The following VIPR2 variants were observed in gnomAD, a reference collection of about 807,000 sequenced individuals.
VIPR2 encodes the protein vasoactive intestinal peptide receptor 2.
In VIPR2, 48 loss-of-function variants were observed where a neutral mutation model predicts 58.0. The ratio of observed to expected loss-of-function variants is 0.83; its 90% confidence interval spans 0.66 to 1.05. VIPR2 has a LOEUF of 1.05. Ranked by LOEUF, VIPR2 falls within the 50% of genes least tolerant of loss-of-function variation. The probability of loss-of-function intolerance (pLI) is 0.00; values close to 1 mark genes in which losing one functional copy is unlikely to be tolerated. For missense variants in VIPR2, 534 were observed against 558.0 expected (o/e 0.96, Z 0.43); for synonymous variants, 243 against 235.2 (o/e 1.03, Z -0.30).
At position 159,093,429 on chromosome 7, in the gene VIPR2, C is replaced by T. The variant is rs1044728369; in HGVS notation, c.357+10328G>A. On this transcript the variant is annotated intron_variant, in intron 4 of 12. Coordinates refer to ENST00000262178, the MANE Select transcript of VIPR2 (RefSeq NM_003382.5). This position sits in a 1 kb window ranked among gnomAD's most constrained non-coding sequence, Gnocchi z 6.7. ...CCACGCTTACTTTCGAGGGTGCTGG[C>T]GGGTGTGGCTGGAGCTCACTCTCAC... 3.3e-5 allele frequency among the ~76,000 whole-genome samples: 5 copies of T among 152,170 alleles called. No individual in the cohort carries two copies. Among genetic ancestry groups the T allele is most frequent in the Admixed American group, 6.5e-5 (1 of 15,278 alleles).
At chr7:159,063,673 C>T (rs1200030305) in intron 4 of VIPR2, among the ~76,000 whole-genome samples, 3 of 147,284 alleles carry the variant, frequency 2.0e-5, no homozygotes, top group African/African-American at 7.6e-5. Flanking sequence ...TGCCAGCATG[C>T]TGTCACCTCT....
chr7:159,141,991 G>A (rs1797490241), intron 2 of VIPR2, among the ~76,000 whole-genome samples: 2 of 152,160 alleles, frequency 1.3e-5, no homozygotes, highest in Admixed American at 1.3e-4. Flanking sequence ...GTTCACCGCA[G>A]GCCCGTCTTC....
chr7:159,102,907 C>T (rs1257752840), intron 4 of VIPR2, among the ~76,000 whole-genome samples: 1 of 152,240 alleles, frequency 6.6e-6, no homozygotes, highest in South Asian at 2.1e-4. Flanking sequence ...ACTCTGCACA[C>T]ACCTCTGGCT....
intron 4 of VIPR2, among the ~76,000 whole-genome samples, chr7:159,092,650 CTT>C (rs60400731): frequency 0.022 from 2,887 of 133,562 alleles, 99 homozygotes; most frequent in African/African-American, 0.076. Context: ...CTTTTCTTTT[CTT>C]TTTTTTTTTT....
At chr7:159,131,650 C>T (rs906128519) in intron 2 of VIPR2, among the ~76,000 whole-genome samples, 1 of 152,202 alleles carries the variant, frequency 6.6e-6, no homozygotes, top group African/African-American at 2.4e-5. Context: ...GTGTCTGTGA[C>T]TCACATTTTT....
chr7:159,072,487 A>G (rs1195454644), intron 4 of VIPR2, among the ~76,000 whole-genome samples: 1 of 152,252 alleles, frequency 6.6e-6, no homozygotes, highest in Non-Finnish European at 1.5e-5. Flanking sequence ...TTTCTTAATA[A>G]GAAAATAAAG....
chr7:159,062,052 G>C (rs1453614938), intron 4 of VIPR2, among the ~76,000 whole-genome samples: 1 of 152,234 alleles, frequency 6.6e-6, no homozygotes, highest in Non-Finnish European at 1.5e-5. Context: ...CAGAGGGCGA[G>C]GTGTGGGGTC....
chr7:159,103,987 G>A lies in VIPR2; in HGVS notation c.260-133C>T, dbSNP rs1004938345. 6 of 747,482 alleles carry A rather than the reference G, an allele frequency of 8.0e-6. No homozygotes were observed. The Admixed American group carries it at 1.2e-4, about 15-fold the overall frequency. The allele number at this position is 747,482 out of a possible 1,614,324, so 46.3% of individuals were successfully genotyped here. ...CAGGGGTCAGCTAGGAGACAGGACT[G>A]CCACTCAAAAAACCTTCCTTGCCCT... On this transcript the variant is annotated intron_variant, in intron 3 of 12. Coordinates refer to ENST00000262178, the MANE Select transcript of VIPR2 (RefSeq NM_003382.5).
At chr7:159,092,077 C>T (rs1857537575) in intron 4 of VIPR2, among the ~76,000 whole-genome samples, 2 of 152,214 alleles carry the variant, frequency 1.3e-5, no homozygotes, top group South Asian at 4.1e-4. Flanking sequence ...AGCGGTTAGT[C>T]CCTCAGAAAA....
rs183965364 is a variant in VIPR2, at chr7:159,070,799, G to C, written c.358-12221C>G. Among the ~76,000 whole-genome samples, 8 of 152,342 alleles carry C rather than the reference G, an allele frequency of 5.3e-5. No individual in the cohort carries two copies. The East Asian group carries it at 1.5e-3, about 29-fold the overall frequency. ...AGCTGGTTTTGATTTTACACATCCCGTGCTTTCAAGCATTTAAGAAGGCTT... is the reference window on the plus strand; with the variant it reads ...AGCTGGTTTTGATTTTACACATCCCCTGCTTTCAAGCATTTAAGAAGGCTT... On this transcript the variant is annotated intron_variant, in intron 4 of 12. Transcript: ENST00000262178.
At chr7:159,048,930 G>A (rs1428488318) in intron 5 of VIPR2, among the ~76,000 whole-genome samples, 1 of 152,190 alleles carries the variant, frequency 6.6e-6, no homozygotes, top group Non-Finnish European at 1.5e-5. Flanking sequence ...TTCAAGGCAT[G>A]GAGGACCCTT....
rs748706836 is a variant in VIPR2 at position 159,030,759 on chromosome 7, T to A, written c.1174A>T (p.Ser392Cys). 7 of 1,592,056 alleles carry A rather than the reference T, an allele frequency of 4.4e-6. No individual in the cohort carries two copies. In the Admixed American group the frequency reaches 1.0e-4, roughly 24 times the overall value. The change falls in exon 13 of 13, where the codon AGC (serine) becomes TGC (cysteine). Residue 392 changes from serine to cysteine, a missense_variant. This residue lies in a region of VIPR2 where 306 missense variants were observed against 285.8 expected (regional missense o/e 1.07). Coordinates refer to ENST00000262178, the MANE Select transcript of VIPR2 (RefSeq NM_003382.5). Reference protein sequence around the residue: ...VQCELKRKWRSRCPTPSASRD... With the variant: ...VQCELKRKWRCRCPTPSASRD... ...CTCGCGGACGGGGTCGGGCACCGGCTTCGCCATTTTCGCTTCAGCTCGCAC... is the reference window on the plus strand; with the variant it reads ...CTCGCGGACGGGGTCGGGCACCGGCATCGCCATTTTCGCTTCAGCTCGCAC...
intron 4 of VIPR2, among the ~76,000 whole-genome samples, chr7:159,060,781 C>T (rs924438681): frequency 4.6e-5 from 7 of 152,202 alleles, no homozygotes; most frequent in African/African-American, 1.7e-4. Context: ...CCTCACCTCA[C>T]CTAACAGCCA....
chr7:159,056,379 T>G (rs1482952374), intron 5 of VIPR2, among the ~76,000 whole-genome samples: 3 of 152,152 alleles, frequency 2.0e-5, no homozygotes, highest in African/African-American at 7.2e-5. Flanking sequence ...ATCTGTGGTA[T>G]CCATCAATAC....
intron 4 of VIPR2, among the ~76,000 whole-genome samples, chr7:159,090,512 T>G: frequency 4.6e-5 from 1 of 21,686 alleles, no homozygotes; most frequent in Admixed American, 5.3e-4. Flanking sequence ...CTGCGACCAT[T>G]GCAATCCCCG....
Position 159,030,606 on chromosome 7 carries a change from AG to A in VIPR2, c.*9del. On this transcript the variant is annotated 3_prime_UTR_variant, in exon 13 of 13. Transcript: ENST00000262178. ...GGGCCTCCCGCCGCGTCCGACAGGC[AG>A]GGGTGGGGCTAGATGACCGAGGTCT... is the stretch of plus-strand genomic sequence containing the variant. 6.6e-7 allele frequency: 1 copy of A among 1,525,116 alleles called. No homozygotes were observed. Among genetic ancestry groups the A allele is most frequent in the East Asian group, 2.5e-5 (1 of 40,268 alleles). 94.5% of individuals were successfully genotyped at this position (1,525,116 alleles called of 1,614,324 possible). A position where few individuals can be genotyped will look rare whatever the true frequency, so the allele number is the denominator to read the frequency against.
At chr7:159,057,302 T>C (rs1031263068) in intron 5 of VIPR2, among the ~76,000 whole-genome samples, 7 of 152,200 alleles carry the variant, frequency 4.6e-5, no homozygotes, top group Non-Finnish European at 7.3e-5. Context: ...AGAACAAATA[T>C]TAATATTGTA....
At chr7:159,071,492 A>G (rs1856387594) in intron 4 of VIPR2, among the ~76,000 whole-genome samples, 1 of 152,092 alleles carries the variant, frequency 6.6e-6, no homozygotes, top group Non-Finnish European at 1.5e-5. Flanking sequence ...TCTGTTCTTC[A>G]TGGTTCCTCA....
intron 5 of VIPR2, among the ~76,000 whole-genome samples, chr7:159,053,390 T>A (rs1310384393): frequency 1.3e-5 from 2 of 152,182 alleles, no homozygotes; most frequent in Non-Finnish European, 2.9e-5. Flanking sequence ...CGGAAAATCA[T>A]AAAACACTGA....
Sources: allele counts gnomAD v4.1 joint callset (sites outside exome capture counted in the v4.1 genomes callset), GRCh38; gene constraint gnomAD v4.1.1; regional missense constraint gnomAD v4.1.1; non-coding constraint Gnocchi (gnomAD v3.1); transcripts MANE v1.5; gene names NCBI Gene and HGNC (gene_info 2026-07-23, HGNC 2026-07-21).